Variants in UBN2 observed in about 807,000 individuals in gnomAD.
The protein encoded by UBN2 is ubinuclein-2.
A neutral mutation model predicts 120.2 loss-of-function variants in UBN2; 35 were observed. The ratio of observed to expected loss-of-function variants is 0.29; its 90% CI spans 0.22 to 0.39. UBN2 has a LOEUF of 0.39. Ranked by LOEUF, UBN2 falls within the 10% of genes least tolerant of loss-of-function variation. The probability of loss-of-function intolerance (pLI) is 1.00; values close to 1 mark genes in which losing one functional copy is unlikely to be tolerated. For missense variants in UBN2, 1,693 were observed against 1,663.2 expected, an observed-to-expected ratio of 1.02 and a Z score of -0.31; for synonymous variants, 661 against 648.7, an observed-to-expected ratio of 1.02 and a Z score of -0.29.
chr7:139,282,929 T>A, intron 14 of UBN2, 95 bp from the exon 15 acceptor site: 1 of 1,123,380 alleles, frequency 8.9e-7, no homozygotes, highest in Non-Finnish European at 1.2e-6. Flanking sequence ...GAAAAACAAT[T>A]GTAATTGTCA....
intron 1 of UBN2, among the ~76,000 whole-genome samples, chr7:139,235,459 G>A (rs964126692): frequency 2.6e-5 from 4 of 152,052 alleles, no homozygotes; most frequent in East Asian, 1.9e-4. Context: ...GTGCAGTGGC[G>A]CAATCTCAGC....
intron 3 of UBN2, among the ~76,000 whole-genome samples, chr7:139,254,041 C>G (rs1325714782): frequency 1.3e-5 from 2 of 152,174 alleles, no homozygotes; most frequent in Non-Finnish European, 2.9e-5. Flanking sequence ...CGCCTGTAAT[C>G]CCAGCACTTT....
chr7:139,282,017 A>G lies in UBN2; in HGVS notation c.2080A>G (p.Lys694Glu), dbSNP rs371214209. The G allele has an allele frequency of 1.1e-5, 18 of 1,613,316 alleles. No homozygotes were observed. The highest frequency in any genetic ancestry group is 1.3e-5 in the Non-Finnish European group (15 of 1,179,524). Residue 694 changes from lysine (K) to glutamate (E), a missense_variant, in exon 14 of 18, where the codon AAG becomes GAG. By Grantham distance (56) the Lys-to-Glu change is moderately conservative. Transcript: ENST00000473989. Reference protein sequence around the residue: ...PKPKVKEVMVKTLPLHSFPTM... With the variant: ...PKPKVKEVMVETLPLHSFPTM... ...TGTAATACCTTAGGAGGTGATGGTAAAGACCCTTCCTCTCCATTCTTTCCC... is the reference window on the plus strand; with the variant it reads ...TGTAATACCTTAGGAGGTGATGGTAGAGACCCTTCCTCTCCATTCTTTCCC...
chr7:139,287,012 A>G (rs1433245754), intron 15 of UBN2, among the ~76,000 whole-genome samples: 1 of 152,216 alleles, frequency 6.6e-6, no homozygotes, highest in African/African-American at 2.4e-5. Flanking sequence ...ATATACATTT[A>G]CTTTCATCAG....
At chr7:139,289,866 A>T (rs1797899958) in intron 15 of UBN2, among the ~76,000 whole-genome samples, 2 of 151,944 alleles carry the variant, frequency 1.3e-5, no homozygotes, top group African/African-American at 4.8e-5. Context: ...CTGCAGTAGA[A>T]TTATGATTAG....
the UBN2 span, among the ~76,000 whole-genome samples, chr7:139,325,139 A>T: frequency 6.6e-6 from 1 of 152,042 alleles, no homozygotes; most frequent in Non-Finnish European, 1.5e-5. Flanking sequence ...CTATTTTTTC[A>T]TGTTTTATAA....
At chr7:139,269,265 A>G (rs1797191479) in intron 7 of UBN2, 129 bp from the exon 8 acceptor site, 2 of 866,286 alleles carry the variant, frequency 2.3e-6, no homozygotes, top group Non-Finnish European at 3.4e-6. Flanking sequence ...TATTTTTTCC[A>G]TGAAGAATAC....
intron 7 of UBN2, among the ~76,000 whole-genome samples, chr7:139,267,807 A>G (rs939161905): frequency 1.3e-5 from 2 of 152,240 alleles, no homozygotes; most frequent in East Asian, 1.9e-4. Context: ...TTCTGTTCCT[A>G]GTTACTTTAA....
At chr7:139,235,531 C>G (rs540909195) in intron 1 of UBN2, among the ~76,000 whole-genome samples, 1 of 152,116 alleles carries the variant, frequency 6.6e-6, no homozygotes, top group Non-Finnish European at 1.5e-5. Flanking sequence ...CTCAGCCTCC[C>G]GAGTAGCTGG....
rs555874921 is a variant in UBN2 at position 139,298,525 on chromosome 7, T to G, written c.*689T>G. On this transcript the variant is annotated 3_prime_UTR_variant, in exon 18 of 18. Transcript: ENST00000473989. ...TTAAAAATCAGGAAGTTGAGCCTGT[T>G]GCTCTTAAGAGATGAAACCTAGATG... 5 of 152,284 alleles carry G rather than the reference T, an allele frequency of 3.3e-5. No homozygotes were observed. Among genetic ancestry groups the G allele is most frequent in the Non-Finnish European group, 5.9e-5 (4 of 68,028 alleles). 9.4% of individuals were successfully genotyped at this position (152,284 alleles called of 1,614,324 possible).
intron 10 of UBN2, 24 bp downstream of exon 10, chr7:139,273,434 T>C (rs779079129): frequency 6.8e-7 from 1 of 1,466,630 alleles, no homozygotes; most frequent in Non-Finnish European, 9.3e-7. Context: ...AGTTTTCACT[T>C]TTAATATATA....
chr7:139,303,723 T>C lies in UBN2; in HGVS notation c.*5887T>C, dbSNP rs755857113. The C allele has an allele frequency of 6.6e-6, 1 of 152,206 alleles. No homozygotes were observed. Among genetic ancestry groups the C allele is most frequent in the Non-Finnish European group, 1.5e-5 (1 of 68,028 alleles). 9.4% of individuals were successfully genotyped at this position (152,206 alleles called of 1,614,324 possible). On this transcript the variant is annotated 3_prime_UTR_variant, in exon 18 of 18. Coordinates refer to ENST00000473989, the MANE Select transcript of UBN2 (RefSeq NM_173569.4). Reference sequence around the variant, plus strand: ...CAGAGGCTAAAAAATGTTTTCCTTATAATGAGTATAAAAAGCACCCTATGG... The same window carrying C: ...CAGAGGCTAAAAAATGTTTTCCTTACAATGAGTATAAAAAGCACCCTATGG...
Position 139,298,336 on chromosome 7 carries a change from G to A in UBN2, c.*500G>A, listed in dbSNP as rs1417697197. 6.4e-6 allele frequency: 1 copy of A among 155,270 alleles called. No individual in the cohort carries two copies. The highest frequency in any genetic ancestry group is 1.4e-5 in the Non-Finnish European group (1 of 70,130). The allele number at this position is 155,270 out of a possible 1,614,324, so 9.6% of individuals were successfully genotyped here. A position where few individuals can be genotyped will look rare whatever the true frequency, so the allele number is the denominator to read the frequency against. Reference sequence around the variant, plus strand: ...ATTTGCCACAAAAAGAAATAATAATGATTCTATCTCCGATAGACAGTAGCT... The same window carrying A: ...ATTTGCCACAAAAAGAAATAATAATAATTCTATCTCCGATAGACAGTAGCT... On this transcript the variant is annotated 3_prime_UTR_variant, in exon 18 of 18. Transcript: ENST00000473989.
chr7:139,255,185 A>C (rs1796724521), intron 3 of UBN2, among the ~76,000 whole-genome samples: 1 of 152,194 alleles, frequency 6.6e-6, no homozygotes, highest in Non-Finnish European at 1.5e-5. Context: ...AATGTCTTAT[A>C]GAGAAAATCA....
intron 11 of UBN2, among the ~76,000 whole-genome samples, chr7:139,275,706 C>T (rs1302990936): frequency 6.6e-6 from 1 of 152,178 alleles, no homozygotes; most frequent in African/African-American, 2.4e-5. Context: ...TAGCTCACCC[C>T]TATAATCTCA....
chr7:139,276,558 A>C (rs1797447806), intron 12 of UBN2: 1 of 175,278 alleles, frequency 5.7e-6, no homozygotes, highest in African/African-American at 2.4e-5. Flanking sequence ...TATTCCACAA[A>C]ATTAACCTAT....
intron 2 of UBN2, among the ~76,000 whole-genome samples, chr7:139,251,239 C>G (rs954264487): frequency 2.6e-5 from 4 of 152,100 alleles, no homozygotes; most frequent in Non-Finnish European, 5.9e-5. Flanking sequence ...GTTGCAAAGA[C>G]AATACAGAGA....
chr7:139,292,799 T>C (rs1056435110), intron 15 of UBN2, among the ~76,000 whole-genome samples: 2 of 152,136 alleles, frequency 1.3e-5, no homozygotes, highest in African/African-American at 4.8e-5. Context: ...GAAGAACACC[T>C]TGGCCTCGTC....
chr7:139,254,549 T>C (rs1372899231), intron 3 of UBN2, among the ~76,000 whole-genome samples: 1 of 152,232 alleles, frequency 6.6e-6, no homozygotes, highest in Non-Finnish European at 1.5e-5. Context: ...GGAGCAAGTC[T>C]TTTAGCACCA....
Sources: gnomAD v4.1 joint callset for allele counts (sites outside exome capture counted in the v4.1 genomes callset) on GRCh38, gnomAD v4.1.1 for gene constraint, MANE v1.5 for transcripts, NCBI Gene and HGNC (gene_info 2026-07-23, HGNC 2026-07-21) for gene names.